FBXO3: variants seen among roughly 807,000 people sequenced by gnomAD.
FBXO3 encodes F-box only protein 3.
FBXO3 carries 17 observed loss-of-function variants against 64.8 expected under a neutral mutation model. The observed-to-expected ratio is 0.26, with a 90% confidence interval of 0.18 to 0.39. The LOEUF (loss-of-function observed/expected upper bound fraction) is 0.39, where lower values mean the gene tolerates loss of function less well. FBXO3 is among the 10% of genes least tolerant of loss of function. The probability of loss-of-function intolerance (pLI) is 1.00; values close to 1 mark genes in which losing one functional copy is unlikely to be tolerated. For synonymous variants in FBXO3, 182 were observed against 201.6 expected (o/e 0.90, Z 0.82); for missense variants, 420 against 589.9 (o/e 0.71, Z 2.98).
At chr11:33,764,498 A>G (rs1590582189) in intron 3 of FBXO3, among the ~76,000 whole-genome samples, 1 of 152,296 alleles carries the variant, frequency 6.6e-6, no homozygotes, top group East Asian at 1.9e-4. Flanking sequence ...TAGTGACAGC[A>G]TGTACCGCTG....
intron 2 of FBXO3, 148 bp downstream of exon 2, chr11:33,770,593 G>A (rs753054657): frequency 4.9e-6 from 3 of 611,580 alleles, no homozygotes; most frequent in East Asian, 2.6e-5. Context: ...ACAGAACCTT[G>A]GCAAATACCA....
chr11:33,760,911 T>A (rs998787080), intron 3 of FBXO3, among the ~76,000 whole-genome samples: 20 of 151,984 alleles, frequency 1.3e-4, no homozygotes, highest in African/African-American at 4.8e-4. Flanking sequence ...AAGATAAATA[T>A]GAAGGTAAGT....
intron 4 of FBXO3, among the ~76,000 whole-genome samples, chr11:33,757,574 C>T (rs1042362819): frequency 3.1e-5 from 4 of 130,040 alleles, no homozygotes; most frequent in Non-Finnish European, 6.3e-5. Context: ...GCCCCAGCTA[C>T]TTGGGAGGCA....
intron 10 of FBXO3, 153 bp downstream of exon 10, chr11:33,746,977 C>A (rs948263704): frequency 1.6e-5 from 23 of 1,477,030 alleles, no homozygotes; most frequent in Non-Finnish European, 2.7e-6. Context: ...TTGTCCATTT[C>A]TCTCAACAAA....
chr11:33,750,754 A>C, intron 7 of FBXO3, 93 bp from the exon 8 acceptor site: 4 of 1,214,334 alleles, frequency 3.3e-6, no homozygotes, highest in Non-Finnish European at 4.6e-6. Flanking sequence ...AAAAAATTTA[A>C]ATCATATTTC....
intron 10 of FBXO3, 108 bp downstream of exon 10, chr11:33,747,022 C>T (rs1171933840): frequency 1.3e-6 from 2 of 1,520,246 alleles, no homozygotes; most frequent in African/African-American, 2.8e-5. Context: ...CTCAAAATCT[C>T]TAGGGTTCTC....
intron 3 of FBXO3, 119 bp downstream of exon 3, chr11:33,768,732 T>G: frequency 3.4e-6 from 4 of 1,177,918 alleles, no homozygotes; most frequent in Non-Finnish European, 5.1e-6. Flanking sequence ...GAACAGTAAA[T>G]CACAGACAAA....
intron 3 of FBXO3, among the ~76,000 whole-genome samples, chr11:33,765,349 T>C (rs1198445954): frequency 6.6e-6 from 1 of 152,188 alleles, no homozygotes; most frequent in African/African-American, 2.4e-5. Flanking sequence ...CGAAGCTGAA[T>C]GGCAACCTGA....
intron 10 of FBXO3, chr11:33,745,933 G>A (rs985544557): frequency 1.2e-4 from 18 of 152,128 alleles, no homozygotes; most frequent in African/African-American, 4.1e-4. Flanking sequence ...AACAAAAGAG[G>A]ACAAGTGACT....
chr11:33,763,844 C>T (rs1210084179), intron 3 of FBXO3, among the ~76,000 whole-genome samples: 1 of 152,134 alleles, frequency 6.6e-6, no homozygotes, highest in Non-Finnish European at 1.5e-5. Flanking sequence ...TGTCATTATT[C>T]TACATCCTTA....
intron 1 of FBXO3, 33 bp from the exon 2 acceptor site, chr11:33,770,863 A>G: frequency 6.9e-7 from 1 of 1,459,094 alleles, no homozygotes. Flanking sequence ...ATAGTATTTA[A>G]AAAAGTAAGA....
chr11:33,768,655 G>T, intron 3 of FBXO3, 196 bp downstream of exon 3: 1 of 555,024 alleles, frequency 1.8e-6, no homozygotes, highest in Non-Finnish European at 3.2e-6. Flanking sequence ...ATAACCATGT[G>T]GGTCCCAAGG....
At chr11:33,757,455 A>G (rs1855126762) in intron 4 of FBXO3, among the ~76,000 whole-genome samples, 1 of 145,460 alleles carries the variant, frequency 6.9e-6, no homozygotes, top group African/African-American at 2.5e-5. Context: ...CTCTAATAAT[A>G]ATAATAATAA....
chr11:33,742,659 A>T (rs1396010111), intron 10 of FBXO3: 1 of 152,282 alleles, frequency 6.6e-6, no homozygotes, highest in African/African-American at 2.4e-5. Context: ...TGAAAATATT[A>T]ATCAAGTATG....
intron 3 of FBXO3, among the ~76,000 whole-genome samples, chr11:33,759,400 AAAAC>A (rs774414879): frequency 2.0e-5 from 3 of 152,342 alleles, no homozygotes; most frequent in South Asian, 2.1e-4. Context: ...GCTAGAGGGC[AAAAC>A]AAACAGAGTT....
At chr11:33,742,411 C>A (rs1854708914) in intron 10 of FBXO3, 1 of 172,690 alleles carries the variant, frequency 5.8e-6, no homozygotes, top group Non-Finnish European at 1.2e-5. Flanking sequence ...TCAAGCAGTT[C>A]TCCCACCTCA....
Position 33,768,845 on chromosome 11 carries a change from C to A in FBXO3, c.358+6G>T. 2 of 1,613,904 alleles carry A rather than the reference C, an allele frequency of 1.2e-6. No individual in the cohort carries two copies. The highest frequency in any genetic ancestry group is 8.5e-7 in the Non-Finnish European group (1 of 1,179,870). On this transcript the variant is annotated splice_donor_region_variant and intron_variant, in intron 3 of 10. Coordinates refer to ENST00000265651, the MANE Select transcript of FBXO3 (RefSeq NM_012175.4). ...AACGGGGAAAGGGACCCTGAATTCC[C>A]AGTACCTTTCAGAGATAAAACCATC... is the stretch of plus-strand genomic sequence containing the variant.
chr11:33,746,828 T>C (rs1315732308), intron 10 of FBXO3: 3 of 1,413,792 alleles, frequency 2.1e-6, no homozygotes, highest in Admixed American at 3.0e-5. Flanking sequence ...GAAGTTGTTT[T>C]CCCAGTCTTA....
At chr11:33,770,861 TA>T in intron 1 of FBXO3, 31 bp from the exon 2 acceptor site, 2 of 1,486,204 alleles carry the variant, frequency 1.3e-6, no homozygotes, top group Non-Finnish European at 1.8e-6. Flanking sequence ...CGATAGTATT[TA>T]AAAAAGTAAG....
Sources: gnomAD v4.1 joint callset for allele counts (sites outside exome capture counted in the v4.1 genomes callset) on GRCh38, gnomAD v4.1.1 for gene constraint, MANE v1.5 for transcripts, NCBI Gene and HGNC (gene_info 2026-07-23, HGNC 2026-07-21) for gene names.